PCDHA1: variants seen among roughly 807,000 people sequenced by gnomAD.
PCDHA1 encodes protocadherin alpha 1.
Under a neutral mutation model 61.3 loss-of-function variants are expected in PCDHA1, and 42 were observed. The ratio of observed to expected loss-of-function variants is 0.69; its 90% CI spans 0.54 to 0.89. PCDHA1 has a LOEUF of 0.89. Among genes scored for constraint, PCDHA1 ranks in the 40% least tolerant of loss-of-function variants. PCDHA1 has a pLI of 0.00. For synonymous variants in PCDHA1, 610 were observed against 553.8 expected, an observed-to-expected ratio of 1.10 and a Z score of -1.43; for missense variants, 1,256 against 1,235.3, an observed-to-expected ratio of 1.02 and a Z score of -0.25.
chr5:140,929,430 A>G, intron 1 of PCDHA1: 1 of 1,490,684 alleles, frequency 6.7e-7, no homozygotes, highest in Non-Finnish European at 9.0e-7. Flanking sequence ...CATCAATTGA[A>G]CTAAACACTC....
rs545348313 is a variant in PCDHA1, at chr5:140,968,526, C to T, written c.2395-10423C>T. ...ATTCTGTACCCTACCTCAACCAACTCGTCAGCAGCCTTCGAGATGGTGCCT... is the reference window on the plus strand; with the variant it reads ...ATTCTGTACCCTACCTCAACCAACTTGTCAGCAGCCTTCGAGATGGTGCCT... On this transcript the variant is annotated intron_variant, in intron 1 of 3. Transcript: ENST00000504120. 9.9e-6 allele frequency: 16 copies of T among 1,614,200 alleles called. No individual in the cohort carries two copies. The Admixed American group carries it at 1.3e-4, about 13-fold the overall frequency.
chr5:140,836,230 C>T, intron 1 of PCDHA1: 5 of 1,613,786 alleles, frequency 3.1e-6, no homozygotes, highest in Non-Finnish European at 4.2e-6. Context: ...CCGGTGGCGG[C>T]CGGTGCGAGC....
chr5:140,863,356 C>T (rs1554158132), intron 1 of PCDHA1: 1 of 1,255,152 alleles, frequency 8.0e-7, no homozygotes, highest in Non-Finnish European at 1.1e-6. Flanking sequence ...CACGACGCTG[C>T]GGTGCTTGGC....
intron 1 of PCDHA1, chr5:140,834,234 C>T: frequency 1.3e-6 from 1 of 766,094 alleles, no homozygotes; most frequent in Non-Finnish European, 2.1e-6. Context: ...GGAAGTCATT[C>T]CTTTTCGCAC....
rs2150325342 is a variant in PCDHA1, at chr5:140,841,910, A to T, written c.2394+53226A>T. 3.1e-6 allele frequency: 5 copies of T among 1,613,810 alleles called. No individual in the cohort carries two copies. In the African/African-American group the frequency reaches 6.7e-5, roughly 22 times the overall value. ...GAATAAACTGGTTGAGCTCGTATTA[A>T]GAAAATCCTTGGACAGAGAGGACGC... is the stretch of plus-strand genomic sequence containing the variant. On this transcript the variant is annotated intron_variant, in intron 1 of 3. Coordinates refer to ENST00000504120, the MANE Select transcript of PCDHA1 (RefSeq NM_018900.4).
chr5:140,841,307 A>G lies in PCDHA1; in HGVS notation c.2394+52623A>G. ...TATTAAGATAATATTTTCTGATAGGAAACGACTATTTAACATGGATTATCA... is the reference window on the plus strand; with the variant it reads ...TATTAAGATAATATTTTCTGATAGGGAACGACTATTTAACATGGATTATCA... On this transcript the variant is annotated intron_variant, in intron 1 of 3. Coordinates refer to ENST00000504120, the MANE Select transcript of PCDHA1 (RefSeq NM_018900.4). 3 of 1,579,516 alleles carry G rather than the reference A, an allele frequency of 1.9e-6. No individual in the cohort carries two copies. In the African/African-American group the frequency reaches 4.1e-5, roughly 22 times the overall value.
chr5:140,788,127 C>G lies in PCDHA1; in HGVS notation c.1837C>G (p.Pro613Ala), dbSNP rs1191203200. 5.0e-6 allele frequency: 8 copies of G among 1,613,938 alleles called. No homozygotes were observed. The East Asian group carries it at 1.8e-4, about 36-fold the overall frequency. Residue 613 changes from proline to alanine, a missense_variant, in exon 1 of 4, where the codon CCG becomes GCG. Physicochemically the swap from Pro to Ala is conservative, Grantham distance 27. Coordinates refer to ENST00000504120, the MANE Select transcript of PCDHA1 (RefSeq NM_018900.4). The part of the protein sequence containing the change: ...YNAWLSYELQ[P>A]AAGGARIPFR... ...CGCGTGGCTGTCCTATGAACTGCAG[C>G]CGGCAGCAGGCGGCGCGCGCATCCC... is the stretch of plus-strand genomic sequence containing the variant.
chr5:140,984,861 C>A (rs1163314869), intron 3 of PCDHA1, among the ~76,000 whole-genome samples: 1 of 151,870 alleles, frequency 6.6e-6, no homozygotes, highest in Non-Finnish European at 1.5e-5. Flanking sequence ...ATAATAACAC[C>A]TATTTTATTG....
At chr5:141,001,303 A>G (rs2098006866) in intron 3 of PCDHA1, among the ~76,000 whole-genome samples, 2 of 152,182 alleles carry the variant, frequency 1.3e-5, no homozygotes, top group Admixed American at 1.3e-4. Context: ...GCCCAGAGAT[A>G]TGAAATAATT....
At chr5:140,836,998 G>A (rs2150272095) in intron 1 of PCDHA1, 32 of 336,008 alleles carry the variant, frequency 9.5e-5, no homozygotes, top group Non-Finnish European at 1.5e-4. Flanking sequence ...TTGCTAACTG[G>A]AGCAATGGAT....
At chr5:140,875,561 A>G in intron 1 of PCDHA1, 1 of 1,614,128 alleles carries the variant, frequency 6.2e-7, no homozygotes, top group Non-Finnish European at 8.5e-7. Flanking sequence ...GGGAGCGGCC[A>G]GCTCCACTAC....
chr5:140,985,977 G>A (rs1341198195), intron 3 of PCDHA1, among the ~76,000 whole-genome samples: 3 of 151,932 alleles, frequency 2.0e-5, no homozygotes, highest in African/African-American at 7.3e-5. Flanking sequence ...CTGACCTCGT[G>A]ATCCGCCCAC....
chr5:140,960,120 C>A (rs2095527331), intron 1 of PCDHA1, among the ~76,000 whole-genome samples: 1 of 152,118 alleles, frequency 6.6e-6, no homozygotes, highest in African/African-American at 2.4e-5. Context: ...AATAGTATTC[C>A]TTATGAAATA....
At chr5:140,859,929 A>C (rs568538695) in intron 1 of PCDHA1, 3 of 152,046 alleles carry the variant, frequency 2.0e-5, no homozygotes, top group African/African-American at 7.2e-5. Context: ...TAATATAAAA[A>C]ACTTAGTAAA....
At chr5:140,872,485 G>A (rs978511800) in intron 1 of PCDHA1, among the ~76,000 whole-genome samples, 1 of 152,080 alleles carries the variant, frequency 6.6e-6, no homozygotes, top group Non-Finnish European at 1.5e-5. Flanking sequence ...AAATTAGCCA[G>A]ACCTAGTGGT....
Position 140,788,557 on chromosome 5 carries a change from AGAGGGTGTGCTCTAGC to A in PCDHA1, c.2273_2288del (p.Val758AlafsTer50). 6.2e-7 allele frequency: 1 copy of A among 1,614,148 alleles called. No individual in the cohort carries two copies. Among genetic ancestry groups the A allele is most frequent in the Non-Finnish European group, 8.5e-7 (1 of 1,179,972 alleles). On this transcript the variant is annotated frameshift_variant, in exon 1 of 4. Coordinates refer to ENST00000504120, the MANE Select transcript of PCDHA1 (RefSeq NM_018900.4). LOFTEE classifies it high-confidence loss of function. ...TGGTCGAACTCACAGCAGAGGCGGC[AGAGGGTGTGCTCTAGC>A]GAGGGCCCACCCAAGACCGACCTCA...
intron 1 of PCDHA1, among the ~76,000 whole-genome samples, chr5:140,903,774 C>A (rs1466112745): frequency 6.6e-6 from 1 of 152,122 alleles, no homozygotes; most frequent in African/African-American, 2.4e-5. Context: ...ACTTTTCTAT[C>A]CATAAACTAT....
At chr5:140,821,734 G>A in intron 1 of PCDHA1, 5 of 1,534,086 alleles carry the variant, frequency 3.3e-6, no homozygotes, top group Non-Finnish European at 4.4e-6. Flanking sequence ...AATACATTGT[G>A]TGGTGATGCA....
chr5:140,990,694 C>T (rs549554926), intron 3 of PCDHA1, among the ~76,000 whole-genome samples: 10 of 152,108 alleles, frequency 6.6e-5, no homozygotes, highest in Non-Finnish European at 1.5e-4. Context: ...TCGGAGAGTC[C>T]AGATTTATGG....
Sources: allele counts gnomAD v4.1 joint callset (sites outside exome capture counted in the v4.1 genomes callset), GRCh38; gene constraint gnomAD v4.1.1; transcripts MANE v1.5; gene names NCBI Gene and HGNC (gene_info 2026-07-23, HGNC 2026-07-21).